The following ZNF875 variants were observed in gnomAD, a reference collection of about 807,000 sequenced individuals.
ZNF875 encodes the protein zinc finger protein 875, also known as HKR1, GLI-Kruppel zinc finger family member.
ZNF875 carries 14 observed loss-of-function variants against 11.2 expected under a neutral mutation model. The ratio of observed to expected loss-of-function variants is 1.26; its 90% confidence interval spans 0.83 to 1.96. The LOEUF (loss-of-function observed/expected upper bound fraction) is 1.96, where lower values mean the gene tolerates loss of function less well. ZNF875 is among the 30% of genes most tolerant of loss of function. The probability of loss-of-function intolerance (pLI) is 0.00; values close to 1 mark genes in which losing one functional copy is unlikely to be tolerated. For synonymous variants in ZNF875, 301 were observed against 281.1 expected, an observed-to-expected ratio of 1.07 and a Z score of -0.71; for missense variants, 752 against 760.4, an observed-to-expected ratio of 0.99 and a Z score of 0.13.
chr19:37,336,905 C>T (rs1489997116), intron 2 of ZNF875, among the ~76,000 whole-genome samples: 3 of 151,952 alleles, frequency 2.0e-5, no homozygotes, highest in Non-Finnish European at 4.4e-5. Flanking sequence ...GAGACTCCAT[C>T]TCAAAATAAA....
chr19:37,329,499 G>A (rs967082025), intron 4 of ZNF875, among the ~76,000 whole-genome samples: 1 of 152,170 alleles, frequency 6.6e-6, no homozygotes, highest in Admixed American at 6.5e-5. Flanking sequence ...ACTTCACAGT[G>A]TAAGTGCAGT....
intron 3 of ZNF875, among the ~76,000 whole-genome samples, chr19:37,323,861 C>T (rs1222983996): frequency 1.3e-5 from 2 of 152,070 alleles, no homozygotes; most frequent in East Asian, 1.9e-4. Context: ...TTGATCGCTC[C>T]GTTCAAATGC....
Position 37,363,415 on chromosome 19 carries a change from C to T in ZNF875, c.1563C>T (p.Leu521=), listed in dbSNP as rs1248609416. Reference sequence around the variant, plus strand: ...GAGGCTTTAATGATAAGTCCACCCTCATTTCACACCAGAGGACACATTCAG... The same window carrying T: ...GAGGCTTTAATGATAAGTCCACCCTTATTTCACACCAGAGGACACATTCAG... ...CGRGFNDKST[L]ISHQRTHSGE... Residue 521 remains leucine (L), a synonymous_variant, in exon 5 of 5, where the codon CTC becomes CTT. Transcript: ENST00000392153. 1 of 1,613,726 alleles carries T rather than the reference C, an allele frequency of 6.2e-7. No homozygotes were observed. The highest frequency in any genetic ancestry group is 8.5e-7 in the Non-Finnish European group (1 of 1,179,948).
intron 4 of ZNF875, among the ~76,000 whole-genome samples, chr19:37,324,479 T>G (rs6508712): frequency 0.66 from 100,384 of 152,028 alleles, 34,193 homozygotes; most frequent in African/African-American, 0.83. Context: ...GGAAGGAATA[T>G]TCCAGATTCC....
intron 2 of ZNF875, among the ~76,000 whole-genome samples, chr19:37,338,994 A>G (rs754109700): frequency 4.6e-5 from 7 of 152,170 alleles, no homozygotes; most frequent in Non-Finnish European, 8.8e-5. Flanking sequence ...ACTGGCAGGC[A>G]CATTATGTTA....
intron 4 of ZNF875, among the ~76,000 whole-genome samples, chr19:37,350,821 T>TTTTG (rs2037750606): frequency 6.8e-6 from 1 of 147,614 alleles, no homozygotes; most frequent in Non-Finnish European, 1.5e-5. Context: ...TTTTTTTTTT[T>TTTTG]GAGACAGAAT....
chr19:37,313,215 A>AAAC (rs34323048), upstream of ZNF875: 46,468 of 149,246 alleles, frequency 0.31, 9,396 homozygotes, highest in African/African-American at 0.58. Flanking sequence ...GCCCCCCGCG[A>AAAC]AACAACAACA....
In ZNF875 at chr19:37,363,186, CAG is replaced by C. The variant is rs764086534; in HGVS notation, c.1335_1336del (p.Val447Ter). On this transcript the variant is annotated frameshift_variant, in exon 5 of 5. Coordinates refer to ENST00000392153, the MANE Select transcript of ZNF875 (RefSeq NM_001353803.2). LOFTEE classifies it low-confidence loss of function (END_TRUNC). ...CTCAAAACACACCAGAGGACACACT[CAG>C]GGGTTAAACCTTATGTCTGCCTGGA... 5.1e-5 allele frequency: 82 copies of C among 1,614,204 alleles called. No individual in the cohort carries two copies. Among genetic ancestry groups the C allele is most frequent in the African/African-American group, 2.3e-4 (17 of 75,038 alleles).
chr19:37,348,031 TGAGGGAGGGACTTCCCTG>T (rs1436798045), intron 4 of ZNF875, among the ~76,000 whole-genome samples, 159 bp downstream of exon 4: 1 of 152,220 alleles, frequency 6.6e-6, no homozygotes, highest in South Asian at 2.1e-4. Context: ...AATCTTCAGT[TGAGGGAGGGACTTCCCTG>T]GTTCCCTTGT....
intron 2 of ZNF875, among the ~76,000 whole-genome samples, chr19:37,342,821 TATA>T (rs896861060): frequency 1.4e-4 from 21 of 152,340 alleles, no homozygotes; most frequent in African/African-American, 4.1e-4. Flanking sequence ...TTTGCTAATA[TATA>T]ATACTAGTTG....
chr19:37,364,190 A>C lies in ZNF875; in HGVS notation c.*415A>C. On this transcript the variant is annotated 3_prime_UTR_variant, in exon 5 of 5. Coordinates refer to ENST00000392153, the MANE Select transcript of ZNF875 (RefSeq NM_001353803.2). ...GTGTGCTTTCCTCCGATTGATCCCA[A>C]CCCTTCACCTATTTTACGTATACCT... is the stretch of plus-strand genomic sequence containing the variant. 1 of 185,820 alleles carries C rather than the reference A, an allele frequency of 5.4e-6. No homozygotes were observed. Among genetic ancestry groups the C allele is most frequent in the Admixed American group, 5.4e-5 (1 of 18,482 alleles). The allele number at this position is 185,820 out of a possible 1,614,324, so 11.5% of individuals were successfully genotyped here.
intron 4 of ZNF875, among the ~76,000 whole-genome samples, chr19:37,329,276 T>G (rs2033016314): frequency 6.6e-6 from 1 of 152,134 alleles, no homozygotes; most frequent in Non-Finnish European, 1.5e-5. Context: ...CCACCCAGCT[T>G]GGGTATCTGG....
In ZNF875 at chr19:37,362,899, G is replaced by A; in HGVS notation, c.1047G>A (p.Leu349=). ...VCKECGQSFS[L]KSNLITHQRA... ...AGGAATGTGGGCAGAGCTTTAGCCT[G>A]AAGTCAAACCTCATTACCCACCAGA... The change falls in exon 5 of 5, where the codon CTG becomes CTA. Residue 349 remains leucine, a synonymous_variant. Transcript: ENST00000392153. 6.2e-7 allele frequency: 1 copy of A among 1,614,042 alleles called. No homozygotes were observed. The highest frequency in any genetic ancestry group is 8.5e-7 in the Non-Finnish European group (1 of 1,180,004).
At chr19:37,355,040 CCTA>C (rs2038653228) in intron 4 of ZNF875, among the ~76,000 whole-genome samples, 2 of 152,108 alleles carry the variant, frequency 1.3e-5, no homozygotes, top group Admixed American at 6.5e-5. Flanking sequence ...CATAAAATGA[CCTA>C]CTATTTTACT....
intron 2 of ZNF875, among the ~76,000 whole-genome samples, chr19:37,341,204 A>G (rs1337532197): frequency 6.6e-6 from 1 of 152,206 alleles, no homozygotes; most frequent in Admixed American, 6.5e-5. Context: ...TCCCTCTATC[A>G]GTGTATCAGC....
rs776621335 is a variant in ZNF875 at position 37,362,438 on chromosome 19, G to C, written c.586G>C (p.Val196Leu). The change falls in exon 5 of 5, where the codon GTG becomes CTG. Residue 196 changes from valine to leucine, a missense_variant. Val to Leu is a conservative substitution (Grantham distance 32). Coordinates refer to ENST00000392153, the MANE Select transcript of ZNF875 (RefSeq NM_001353803.2). ...ACAGTCCAAGGAAGACAACACAGTG[G>C]TGGATATAGGGTCCAGCCCTGAACG... The part of the protein sequence containing the change: ...PAQSKEDNTV[V>L]DIGSSPERRA... The C allele has an allele frequency of 5.6e-6, 9 of 1,614,198 alleles. No homozygotes were observed. Among genetic ancestry groups the C allele is most frequent in the Admixed American group, 5.0e-5 (3 of 60,018 alleles).
intron 1 of ZNF875, among the ~76,000 whole-genome samples, chr19:37,318,529 T>C (rs1568557087): frequency 2.0e-5 from 3 of 151,540 alleles, no homozygotes; most frequent in Admixed American, 6.6e-5. Flanking sequence ...GTTTTCTTTT[T>C]TTTTTTTTTT....
At chr19:37,346,880 T>TTTA in intron 2 of ZNF875, 3 of 233,570 alleles carry the variant, frequency 1.3e-5, no homozygotes, top group South Asian at 4.7e-5. Flanking sequence ...TTTTTTTTTT[T>TTTA]GAGACAGAGT....
At chr19:37,334,480 T>G (rs963089426), upstream of ZNF875, 1 of 314,238 alleles carries the variant, frequency 3.2e-6, no homozygotes, top group African/African-American at 2.2e-5. Context: ...ATCTTAAGAG[T>G]GGGTTCGTAA....
Sources: allele counts gnomAD v4.1 joint callset (sites outside exome capture counted in the v4.1 genomes callset), GRCh38; gene constraint gnomAD v4.1.1; transcripts MANE v1.5; gene names NCBI Gene and HGNC (gene_info 2026-07-23, HGNC 2026-07-21).